Variants in MARCHF6 observed in about 807,000 individuals in gnomAD.
MARCHF6 encodes E3 ubiquitin-protein ligase MARCHF6.
In MARCHF6, 31 loss-of-function variants were observed where a neutral mutation model predicts 133.7. The observed-to-expected ratio is 0.23, with a 90% CI of 0.17 to 0.31. MARCHF6 has a LOEUF of 0.31. MARCHF6 is among the 10% of genes least tolerant of loss of function. The pLI is 1.00. For missense variants in MARCHF6, 723 were observed against 1,121.6 expected (o/e 0.64, Z 5.08); for synonymous variants, 395 against 402.5 (o/e 0.98, Z 0.22).
chr5:10,381,412 T>C (rs865830876), intron 3 of MARCHF6, among the ~76,000 whole-genome samples: 1 of 152,228 alleles, frequency 6.6e-6, no homozygotes, highest in South Asian at 2.1e-4. Flanking sequence ...TGATGGCTTG[T>C]TGTCAGCTTC....
At chr5:10,387,204 T>C (rs1294812999) in intron 5 of MARCHF6, 138 bp downstream of exon 5, 4 of 530,254 alleles carry the variant, frequency 7.5e-6, no homozygotes, top group Admixed American at 6.6e-5. Context: ...CTAACAGTTA[T>C]AGCTGCAGTA....
chr5:10,356,339 T>TTCTA (rs1735457683), intron 1 of MARCHF6, among the ~76,000 whole-genome samples: 1 of 148,556 alleles, frequency 6.7e-6, no homozygotes, highest in Non-Finnish European at 1.5e-5. Context: ...TGGTTCTGTT[T>TTCTA]TTTATTTATT....
At chr5:10,424,981 C>T (rs1218275694) in intron 23 of MARCHF6, among the ~76,000 whole-genome samples, 1 of 152,202 alleles carries the variant, frequency 6.6e-6, no homozygotes, top group Non-Finnish European at 1.5e-5. Context: ...GATTTTGCTG[C>T]TACTTTACGC....
intron 9 of MARCHF6, among the ~76,000 whole-genome samples, chr5:10,395,050 C>T (rs1003431001): frequency 3.4e-4 from 51 of 152,152 alleles, no homozygotes; most frequent in African/African-American, 1.2e-3. Context: ...CTGCCCGCCT[C>T]GGCCTCCCCA....
In MARCHF6 at chr5:10,418,147, G is replaced by A. The variant is rs377517535; in HGVS notation, c.2283+743G>A. On this transcript the variant is annotated intron_variant, in intron 22 of 25. Transcript: ENST00000274140. ...CAATCACAGCACTTTGGGAGGCCAAGGTGGGTGGATCACCTGAGCTCAGGA... is the reference window on the plus strand; with the variant it reads ...CAATCACAGCACTTTGGGAGGCCAAAGTGGGTGGATCACCTGAGCTCAGGA... Among the ~76,000 whole-genome samples the A allele has an allele frequency of 3.9e-5, 6 of 152,180 alleles. 1 individual carries two copies. The highest frequency in any genetic ancestry group is 1.4e-4 in the African/African-American group (6 of 41,430).
chr5:10,378,065 T>A (rs1164622096), intron 2 of MARCHF6, among the ~76,000 whole-genome samples, 171 bp downstream of exon 2: 1 of 152,250 alleles, frequency 6.6e-6, no homozygotes, highest in African/African-American at 2.4e-5. Context: ...ATTAAAAAAT[T>A]TGGAAAAGAA....
chr5:10,402,002 C>A, intron 11 of MARCHF6, 57 bp from the exon 12 acceptor site: 2 of 981,066 alleles, frequency 2.0e-6, no homozygotes, highest in Non-Finnish European at 3.3e-6. Context: ...TATGGGAAAA[C>A]CGGGGTGTAG....
At chr5:10,377,561 T>TA (rs1442054737) in intron 1 of MARCHF6, among the ~76,000 whole-genome samples, 4 of 152,250 alleles carry the variant, frequency 2.6e-5, no homozygotes, top group Non-Finnish European at 4.4e-5. Flanking sequence ...TTGATTTATT[T>TA]AAAATCTGTC....
chr5:10,369,635 C>G (rs562698516), intron 1 of MARCHF6, among the ~76,000 whole-genome samples: 2 of 116,026 alleles, frequency 1.7e-5, no homozygotes, highest in South Asian at 6.3e-4. Flanking sequence ...ATCCTTTACC[C>G]TTTTATGGTC....
chr5:10,414,594 G>A (rs1739402342), intron 20 of MARCHF6, 92 bp downstream of exon 20: 6 of 1,039,596 alleles, frequency 5.8e-6, no homozygotes, highest in South Asian at 5.5e-5. Flanking sequence ...CCAGTCTGGA[G>A]GGTAGTAGTA....
At position 10,397,287 on chromosome 5, in the gene MARCHF6, C is replaced by T; in HGVS notation, c.862-6C>T. 1.3e-6 allele frequency: 2 copies of T among 1,561,580 alleles called. No homozygotes were observed. Among genetic ancestry groups the T allele is most frequent in the East Asian group, 2.3e-5 (1 of 43,096 alleles). ...AATATGCTTTATTGATGCTTTTTTC[C>T]TTTAGGAACATGTCTTCTGGGTGGT... On this transcript the variant is annotated splice_region_variant and splice_polypyrimidine_tract_variant and intron_variant, in intron 9 of 25. Transcript: ENST00000274140.
intron 4 of MARCHF6, among the ~76,000 whole-genome samples, chr5:10,385,127 A>G (rs1289547281): frequency 6.6e-6 from 1 of 152,232 alleles, no homozygotes; most frequent in Non-Finnish European, 1.5e-5. Context: ...ATTTTAAAAC[A>G]GGTTACATTC....
intron 23 of MARCHF6, among the ~76,000 whole-genome samples, chr5:10,424,209 A>T (rs1309505280): frequency 6.6e-6 from 1 of 152,206 alleles, no homozygotes; most frequent in Non-Finnish European, 1.5e-5. Context: ...AAGTGACAAG[A>T]TGAAGGAAAA....
chr5:10,379,221 AT>A (rs1029954850), intron 3 of MARCHF6, among the ~76,000 whole-genome samples: 23 of 151,554 alleles, frequency 1.5e-4, no homozygotes, highest in Non-Finnish European at 2.9e-4. Flanking sequence ...TTATCCTTTT[AT>A]TTTTTTCTCT....
chr5:10,388,965 A>G (rs1158363530), intron 5 of MARCHF6, among the ~76,000 whole-genome samples: 4 of 152,204 alleles, frequency 2.6e-5, no homozygotes, highest in Non-Finnish European at 5.9e-5. Context: ...TAGCCTGGAG[A>G]GTTCCTTACT....
chr5:10,396,772 AAGTC>A (rs1468649684), intron 9 of MARCHF6, among the ~76,000 whole-genome samples: 5 of 152,150 alleles, frequency 3.3e-5, no homozygotes, highest in Admixed American at 2.6e-4. Context: ...AGGACAAAGA[AAGTC>A]AGGGCACCAT....
At chr5:10,391,801 G>A in intron 7 of MARCHF6, 70 bp downstream of exon 7, 1 of 1,351,090 alleles carries the variant, frequency 7.4e-7, no homozygotes, top group African/African-American at 1.5e-5. Flanking sequence ...TGAGGAAAAG[G>A]GCTGGCGTTT....
At chr5:10,398,619 G>C (rs921794753) in intron 10 of MARCHF6, among the ~76,000 whole-genome samples, 7 of 151,234 alleles carry the variant, frequency 4.6e-5, no homozygotes, top group Admixed American at 1.3e-4. Flanking sequence ...ATGATCTATA[G>C]ATTTAAGTCT....
chr5:10,361,239 A>G (rs866810776), intron 1 of MARCHF6, among the ~76,000 whole-genome samples: 25 of 152,228 alleles, frequency 1.6e-4, no homozygotes, highest in African/African-American at 5.5e-4. Context: ...TGATTTTTAT[A>G]TTATTTCAAA....
Sources: allele counts gnomAD v4.1 joint callset (sites outside exome capture counted in the v4.1 genomes callset), GRCh38; gene constraint gnomAD v4.1.1; transcripts MANE v1.5; gene names NCBI Gene and HGNC (gene_info 2026-07-23, HGNC 2026-07-21).